CLNK: variants seen among roughly 807,000 people sequenced by gnomAD.
CLNK encodes cytokine-dependent hematopoietic cell linker.
Under a neutral mutation model 68.6 loss-of-function variants are expected in CLNK, and 74 were observed. That is an observed-to-expected ratio of 1.08 (90% CI 0.89 to 1.31). The LOEUF is 1.31. Among genes scored for constraint, CLNK ranks in the 50% most tolerant of loss-of-function variants. The pLI, the probability that CLNK is intolerant of heterozygous loss-of-function variation, is 0.00. For synonymous variants in CLNK, 198 were observed against 172.2 expected, an observed-to-expected ratio of 1.15 and a Z score of -1.17; for missense variants, 553 against 515.3, an observed-to-expected ratio of 1.07 and a Z score of -0.71.
intron 5 of CLNK, among the ~76,000 whole-genome samples, chr4:10,571,078 T>C (rs2108827524): frequency 6.6e-6 from 1 of 152,270 alleles, no homozygotes; most frequent in African/African-American, 2.4e-5. Flanking sequence ...CTCTGGAAAG[T>C]TTATTTCAAT....
At chr4:10,652,992 C>T (rs1223323284) in intron 2 of CLNK, among the ~76,000 whole-genome samples, 2 of 152,072 alleles carry the variant, frequency 1.3e-5, no homozygotes, top group African/African-American at 2.4e-5. Flanking sequence ...ACATATATAC[C>T]ATGGAATACT....
chr4:10,652,401 A>AC, intron 2 of CLNK, among the ~76,000 whole-genome samples: 1 of 150,822 alleles, frequency 6.6e-6, no homozygotes, highest in African/African-American at 2.4e-5. Context: ...AAAAAAAAAA[A>AC]AAGGAAAAAA....
intron 1 of CLNK, among the ~76,000 whole-genome samples, chr4:10,680,309 T>A (rs565565635): frequency 7.2e-6 from 1 of 138,052 alleles, no homozygotes; most frequent in African/African-American, 2.7e-5. Context: ...TAGGTGGGAA[T>A]TGAAGAATGA....
chr4:10,535,679 G>T (rs1405685251), intron 11 of CLNK, among the ~76,000 whole-genome samples: 1 of 152,186 alleles, frequency 6.6e-6, no homozygotes, highest in Non-Finnish European at 1.5e-5. Flanking sequence ...GCTCAGTGCA[G>T]TGGTTAGTAG....
intron 2 of CLNK, among the ~76,000 whole-genome samples, chr4:10,645,533 C>T (rs879568013): frequency 3.9e-5 from 6 of 152,132 alleles, no homozygotes; most frequent in Non-Finnish European, 5.9e-5. Flanking sequence ...ACATACTTAA[C>T]TGCCTAATCA....
chr4:10,591,244 G>T (rs1721167728), intron 3 of CLNK, among the ~76,000 whole-genome samples: 1 of 152,144 alleles, frequency 6.6e-6, no homozygotes, highest in South Asian at 2.1e-4. Flanking sequence ...GAGAGGAGTG[G>T]ACTCTGTAAT....
the CLNK span, among the ~76,000 whole-genome samples, chr4:10,723,033 G>C: frequency 6.6e-6 from 1 of 151,618 alleles, no homozygotes; most frequent in African/African-American, 2.4e-5. Context: ...GACAGAGCGA[G>C]ACTCTGTATT....
At chr4:10,668,495 A>T (rs1341707839) in intron 1 of CLNK, among the ~76,000 whole-genome samples, 1 of 152,206 alleles carries the variant, frequency 6.6e-6, no homozygotes, top group Admixed American at 6.5e-5. Flanking sequence ...AAAGGCCCTG[A>T]GAGGTGTAAA....
At chr4:10,664,527 TG>T (rs148995502) in intron 2 of CLNK, among the ~76,000 whole-genome samples, 1,901 of 152,308 alleles carry the variant, frequency 0.012, 21 homozygotes, top group Non-Finnish European at 0.019. Flanking sequence ...GCGACTGCTG[TG>T]GATAAGTTCT....
intron 4 of CLNK, among the ~76,000 whole-genome samples, chr4:10,580,642 AAAAT>A (rs1374770002): frequency 6.6e-6 from 1 of 152,056 alleles, no homozygotes; most frequent in Admixed American, 6.5e-5. Context: ...AAAGTAAAAA[AAAAT>A]AAAATAAAAA....
the CLNK span, among the ~76,000 whole-genome samples, chr4:10,715,706 T>C: frequency 6.6e-6 from 1 of 152,264 alleles, no homozygotes; most frequent in Non-Finnish European, 1.5e-5. Context: ...AAGTTTACAT[T>C]ACTTAAGTAT....
chr4:10,567,695 G>C (rs1393254192), intron 5 of CLNK, among the ~76,000 whole-genome samples: 1 of 152,180 alleles, frequency 6.6e-6, no homozygotes, highest in African/African-American at 2.4e-5. Flanking sequence ...CTTAAATCCA[G>C]AGTATATGAA....
At chr4:10,611,681 G>A (rs1722031765) in intron 2 of CLNK, among the ~76,000 whole-genome samples, 1 of 152,112 alleles carries the variant, frequency 6.6e-6, no homozygotes, top group Admixed American at 6.5e-5. Context: ...AAACAAGGTA[G>A]GGGAGGGAAA....
In CLNK at chr4:10,683,504, A is replaced by G. The variant is rs191778284; in HGVS notation, c.-43+1164T>C. On this transcript the variant is annotated intron_variant, in intron 1 of 18. Coordinates refer to ENST00000226951, the MANE Select transcript of CLNK (RefSeq NM_052964.4). ...ACCATTCCAATCAGTCAGCCAGGAA[A>G]ATCAGTTTCCTTCTGAATTCTGTTA... Among the ~76,000 whole-genome samples the G allele has an allele frequency of 2.0e-3, 300 of 152,314 alleles. 5 individuals carry two copies. The highest frequency in any genetic ancestry group is 2.1e-3 in the Admixed American group (32 of 15,302).
Position 10,524,432 on chromosome 4 carries a change from G to A in CLNK, c.731+1409C>T, listed in dbSNP as rs767779281. ...ACAGTGAGGTCGCCCAAGTCACATG[G>A]TTCACTGCTGAAAAAGTCAGGCAGC... On this transcript the variant is annotated intron_variant, in intron 14 of 18. Transcript: ENST00000226951. 1.6e-4 allele frequency among the ~76,000 whole-genome samples: 25 copies of A among 152,196 alleles called. 1 individual carries two copies. The highest frequency in any genetic ancestry group is 2.9e-4 in the Non-Finnish European group (20 of 68,032).
chr4:10,595,040 G>A (rs550102762), intron 3 of CLNK, among the ~76,000 whole-genome samples: 3 of 151,852 alleles, frequency 2.0e-5, no homozygotes, highest in African/African-American at 4.8e-5. Context: ...GAGATTGCGC[G>A]ATTGCACTCC....
rs1437546340 is a variant in CLNK, at chr4:10,525,903, C to T, written c.669G>A (p.Lys223=). The part of the protein sequence containing the change: ...EAEKVPHNQR[K]PESTHLLENQ... ...TTTCTAACAGATGAGTTGATTCAGG[C>T]TTCCTCTGGTTATGAGGAACTATAT... Residue 223 remains lysine (K), a synonymous_variant, in exon 14 of 19, where the codon AAG becomes AAA. Coordinates refer to ENST00000226951, the MANE Select transcript of CLNK (RefSeq NM_052964.4). 1.3e-5 allele frequency: 21 copies of T among 1,575,130 alleles called. No homozygotes were observed. Among genetic ancestry groups the T allele is most frequent in the African/African-American group, 2.7e-5 (2 of 74,322 alleles).
At chr4:10,702,486 G>A in the CLNK span, among the ~76,000 whole-genome samples, 2 of 152,300 alleles carry the variant, frequency 1.3e-5, no homozygotes, top group South Asian at 2.1e-4. Flanking sequence ...CGAGAATGAT[G>A]CATGCACATC....
chr4:10,720,320 A>G, the CLNK span, among the ~76,000 whole-genome samples: 1 of 152,112 alleles, frequency 6.6e-6, no homozygotes, highest in African/African-American at 2.4e-5. Context: ...CAAAAAACGA[A>G]CACAAATTAC....
Sources: gnomAD v4.1 joint callset for allele counts (sites outside exome capture counted in the v4.1 genomes callset) on GRCh38, gnomAD v4.1.1 for gene constraint, MANE v1.5 for transcripts, NCBI Gene and HGNC (gene_info 2026-07-23, HGNC 2026-07-21) for gene names.